The following TNPO3 variants were observed in gnomAD, a reference collection of about 807,000 sequenced individuals.
TNPO3 encodes the protein transportin-3.
In TNPO3, 65 loss-of-function variants were observed where a neutral mutation model predicts 122.8. The ratio of observed to expected loss-of-function variants is 0.53; its 90% CI spans 0.43 to 0.65. TNPO3 has a LOEUF of 0.65. TNPO3 is among the 30% of genes least tolerant of loss of function. The pLI is 0.00. For missense variants in TNPO3, 850 were observed against 1,136.7 expected, an observed-to-expected ratio of 0.75 and a Z score of 3.63; for synonymous variants, 372 against 411.2, an observed-to-expected ratio of 0.90 and a Z score of 1.15.
intron 1 of TNPO3, among the ~76,000 whole-genome samples, chr7:129,031,048 G>A (rs191829580): frequency 5.3e-5 from 8 of 152,350 alleles, no homozygotes; most frequent in Middle Eastern, 3.4e-3. Context: ...ACTTTGGGAC[G>A]CCAAGGCGGG....
intron 21 of TNPO3, among the ~76,000 whole-genome samples, chr7:128,958,903 C>G (rs1011941704): frequency 6.6e-6 from 1 of 152,128 alleles, no homozygotes; most frequent in Admixed American, 6.5e-5. Context: ...ACTCACGAGG[C>G]TAAGGCAGGA....
In TNPO3 at chr7:128,967,313, TTGTG is replaced by T. The variant is rs1327052206; in HGVS notation, c.2674_2677del (p.His892AsnfsTer47). On this transcript the variant is annotated frameshift_variant, in exon 21 of 23. Transcript: ENST00000265388. LOFTEE classifies it high-confidence loss of function. ...TTGCTTGTGGAAGTCTGTAAGTTGT[TTGTG>T]TGTCACTGTGACGGCTCCCACGGTT... 6.2e-7 allele frequency: 1 copy of T among 1,613,812 alleles called. No homozygotes were observed. Among genetic ancestry groups the T allele is most frequent in the African/African-American group, 1.3e-5 (1 of 74,942 alleles).
chr7:128,976,500 G>T (rs772996202), intron 16 of TNPO3, among the ~76,000 whole-genome samples: 7 of 151,860 alleles, frequency 4.6e-5, no homozygotes, highest in Non-Finnish European at 8.8e-5. Context: ...AAGAGACTGG[G>T]TTTCGCTCTG....
intron 9 of TNPO3, among the ~76,000 whole-genome samples, chr7:128,992,474 T>C (rs1800844884): frequency 6.6e-6 from 1 of 152,208 alleles, no homozygotes; most frequent in African/African-American, 2.4e-5. Flanking sequence ...TTTACATTTC[T>C]ATTGTTTTAA....
intron 8 of TNPO3, among the ~76,000 whole-genome samples, chr7:128,996,336 C>A (rs1431266153): frequency 2.6e-5 from 4 of 152,010 alleles, no homozygotes; most frequent in Admixed American, 6.6e-5. Flanking sequence ...ACTACAAAAT[C>A]AGTATAAATA....
At chr7:129,039,933 C>T (rs1807160114) in intron 1 of TNPO3, among the ~76,000 whole-genome samples, 1 of 152,038 alleles carries the variant, frequency 6.6e-6, no homozygotes, top group Non-Finnish European at 1.5e-5. Flanking sequence ...GGTGGCAGGC[C>T]AAGGGGTACA....
chr7:129,049,564 C>A (rs1203364833), intron 1 of TNPO3, among the ~76,000 whole-genome samples: 6 of 152,200 alleles, frequency 3.9e-5, no homozygotes, highest in Non-Finnish European at 4.4e-5. Flanking sequence ...AGAACTAATG[C>A]AGGGACTTCT....
At position 129,017,982 on chromosome 7, in the gene TNPO3, T is replaced by C; in HGVS notation, c.296A>G (p.Asp99Gly). 6.2e-7 allele frequency: 1 copy of C among 1,614,144 alleles called. No individual in the cohort carries two copies. Among genetic ancestry groups the C allele is most frequent in the South Asian group, 1.1e-5 (1 of 91,084 alleles). Residue 99 changes from aspartate (D) to glycine (G), a missense_variant, in exon 2 of 23, where the codon GAC (aspartate) becomes GGC (glycine). Asp to Gly is a moderately conservative substitution (Grantham distance 94). Coordinates refer to ENST00000265388, the MANE Select transcript of TNPO3 (RefSeq NM_012470.4). ...SLLTHIQNLK[D>G]LSPVIVTQLA... is the part of the protein sequence containing the mutation. ...CTGCGTTACAATAACAGGTGACAAG[T>C]CTTTCAAGTTCTGGATATGGGTTAG...
At chr7:128,995,841 G>A (rs1329297355) in intron 8 of TNPO3, among the ~76,000 whole-genome samples, 1 of 152,192 alleles carries the variant, frequency 6.6e-6, no homozygotes, top group Non-Finnish European at 1.5e-5. Context: ...TGGGATTACA[G>A]GAACCTGCCA....
intron 11 of TNPO3, among the ~76,000 whole-genome samples, chr7:128,988,976 C>T (rs11486998): frequency 1.3e-5 from 2 of 152,220 alleles, no homozygotes; most frequent in African/African-American, 4.8e-5. Flanking sequence ...ACTTGGGAGG[C>T]TGAGGCAGGA....
In TNPO3 at chr7:129,013,758, T is replaced by C. The variant is rs145674343; in HGVS notation, c.552+1221A>G. Among the ~76,000 whole-genome samples the C allele has an allele frequency of 9.8e-5, 15 of 152,298 alleles. No individual in the cohort carries two copies. The East Asian group carries it at 1.7e-3, about 18-fold the overall frequency. On this transcript the variant is annotated intron_variant, in intron 4 of 22. Coordinates refer to ENST00000265388, the MANE Select transcript of TNPO3 (RefSeq NM_012470.4). Reference sequence around the variant, plus strand: ...CTGAATGGATAAAGAAACAATGGTATAGGTGCACAATGAAATATTCGTTAG... The same window carrying C: ...CTGAATGGATAAAGAAACAATGGTACAGGTGCACAATGAAATATTCGTTAG...
intron 21 of TNPO3, among the ~76,000 whole-genome samples, chr7:128,957,980 TTTTTTCAAAAGCC>T (rs1292670307): frequency 6.6e-6 from 1 of 152,066 alleles, no homozygotes; most frequent in Non-Finnish European, 1.5e-5. Context: ...ACTGACCCTG[TTTTTTCAAAAGCC>T]CCCCGACCTC....
At chr7:129,041,764 C>G (rs1359711489) in intron 1 of TNPO3, 2 of 984,368 alleles carry the variant, frequency 2.0e-6, no homozygotes, top group Non-Finnish European at 2.4e-6. Flanking sequence ...TTCCAATCTT[C>G]CATTTCACAA....
intron 1 of TNPO3, among the ~76,000 whole-genome samples, chr7:129,032,467 CAA>C (rs1806065352): frequency 6.6e-6 from 1 of 152,008 alleles, no homozygotes; most frequent in Admixed American, 6.6e-5. Context: ...GTAGAAAACC[CAA>C]AAGATTCCAT....
chr7:129,031,056 G>A (rs142681586), intron 1 of TNPO3, among the ~76,000 whole-genome samples: 6,739 of 152,246 alleles, frequency 0.044, 205 homozygotes, highest in Middle Eastern at 0.1. Flanking sequence ...ACGCCAAGGC[G>A]GGCAGATCAC....
At chr7:129,024,493 T>C (rs989292567) in intron 1 of TNPO3, among the ~76,000 whole-genome samples, 6 of 152,200 alleles carry the variant, frequency 3.9e-5, no homozygotes. Context: ...TGGGGTAATC[T>C]GCTTCACAGT....
intron 1 of TNPO3, among the ~76,000 whole-genome samples, chr7:129,024,623 T>C (rs978142028): frequency 1.3e-5 from 2 of 152,068 alleles, no homozygotes; most frequent in African/African-American, 4.8e-5. Flanking sequence ...AGCAGCTAAT[T>C]TGCCGGAAAA....
At chr7:128,957,358 A>G in intron 21 of TNPO3, 43 bp from the exon 22 acceptor site, 2 of 1,604,216 alleles carry the variant, frequency 1.2e-6, no homozygotes, top group Non-Finnish European at 1.7e-6. Context: ...GAGGAGAAAG[A>G]CAGAATATGC....
intron 4 of TNPO3, among the ~76,000 whole-genome samples, chr7:129,013,845 T>C (rs566691406): frequency 1.3e-5 from 2 of 152,264 alleles, no homozygotes; most frequent in South Asian, 2.1e-4. Flanking sequence ...TTAGACATTA[T>C]GTTAAGTGAA....
Sources: allele counts gnomAD v4.1 joint callset (sites outside exome capture counted in the v4.1 genomes callset), GRCh38; gene constraint gnomAD v4.1.1; transcripts MANE v1.5; gene names NCBI Gene and HGNC (gene_info 2026-07-23, HGNC 2026-07-21).